The following SH2D2A variants were observed in gnomAD, a reference collection of about 807,000 sequenced individuals.
SH2D2A encodes the protein SH2 domain-containing protein 2A.
SH2D2A carries 33 observed loss-of-function variants against 43.6 expected under a neutral mutation model. The observed-to-expected ratio is 0.76, with a 90% CI of 0.57 to 1.01. The LOEUF is 1.01. SH2D2A is among the 50% of genes least tolerant of loss of function. SH2D2A has a pLI of 0.00. For missense variants in SH2D2A, 491 were observed against 503.1 expected, an observed-to-expected ratio of 0.98 and a Z score of 0.23; for synonymous variants, 212 against 206.1, an observed-to-expected ratio of 1.03 and a Z score of -0.25.
intron 5 of SH2D2A, among the ~76,000 whole-genome samples, chr1:156,811,815 A>T (rs1653441696): frequency 6.6e-6 from 1 of 152,020 alleles, no homozygotes; most frequent in Non-Finnish European, 1.5e-5. Context: ...TGCAAACTCT[A>T]AATGCTGGAG....
chr1:156,810,984 T>A (rs906443633), intron 5 of SH2D2A, among the ~76,000 whole-genome samples: 4 of 152,184 alleles, frequency 2.6e-5, no homozygotes, highest in African/African-American at 9.7e-5. Flanking sequence ...ACAGGGCTTT[T>A]CTTGTGCTCC....
rs368885518 is a variant in SH2D2A, at chr1:156,809,855, G to C, written c.568-48C>G. The stretch of plus-strand genomic sequence containing the variant: ...GAGGCACTCGGTGGAGCGTTGGGGT[G>C]GGGGAGGTGATCAGGAGGACAAAAT... On this transcript the variant is annotated intron_variant, in intron 5 of 8. Coordinates refer to ENST00000368199, the MANE Select transcript of SH2D2A (RefSeq NM_003975.4). The surrounding 1 kb of genome is among the most constrained non-coding windows in gnomAD (Gnocchi z 4.8). 75 of 1,602,006 alleles carry C rather than the reference G, an allele frequency of 4.7e-5. No individual in the cohort carries two copies. Among genetic ancestry groups the C allele is most frequent in the Non-Finnish European group, 6.1e-5 (72 of 1,174,126 alleles).
Position 156,809,082 on chromosome 1 carries a change from C to T in SH2D2A, c.1002+121G>A. ...CTGGATCATTCTGTTCTTCCCACAT[C>T]ACCTCACACCTCTGCCCCTTACCCT... On this transcript the variant is annotated intron_variant, in intron 7 of 8. Transcript: ENST00000368199. The surrounding 1 kb of genome is among the most constrained non-coding windows in gnomAD (Gnocchi z 4.8). 1 of 1,010,798 alleles carries T rather than the reference C, an allele frequency of 9.9e-7. No individual in the cohort carries two copies. Among genetic ancestry groups the T allele is most frequent in the East Asian group, 2.4e-5 (1 of 41,430 alleles). The allele number at this position is 1,010,798 out of a possible 1,614,324, so 62.6% of individuals were successfully genotyped here. A position where few individuals can be genotyped will look rare whatever the true frequency, so the allele number is the denominator to read the frequency against.
At position 156,816,681 on chromosome 1, in the gene SH2D2A, G is replaced by T; in HGVS notation, c.28C>A (p.Pro10Thr). The change falls in exon 1 of 9, where the codon CCC (proline) becomes ACC (threonine). Residue 10 changes from proline to threonine, a missense_variant. Pro to Thr is a conservative substitution (Grantham distance 38, BLOSUM62 -1). Transcript: ENST00000368199. ...CCTTCAACTTCACACTTACCTTGGG[G>T]ACATATCTGGGCCAGGGGGAACTCC... is the stretch of plus-strand genomic sequence containing the variant. Reference protein sequence around the residue: MEFPLAQICPQGSHEAPIPT... With the variant: MEFPLAQICTQGSHEAPIPT... 1 of 1,602,022 alleles carries T rather than the reference G, an allele frequency of 6.2e-7. No homozygotes were observed. The highest frequency in any genetic ancestry group is 1.1e-5 in the South Asian group (1 of 89,772).
At chr1:156,815,765 G>T in intron 2 of SH2D2A, 1 of 1,602,240 alleles carries the variant, frequency 6.2e-7, no homozygotes, top group Non-Finnish European at 8.6e-7. Context: ...CTGGTCATCT[G>T]CGGACTCAGC....
rs1396079010 is a variant in SH2D2A, at chr1:156,813,889, T to C, written c.526A>G (p.Ser176Gly). Residue 176 changes from serine to glycine, a missense_variant, in exon 5 of 9, where the codon AGC becomes GGC. Ser to Gly is a moderately conservative substitution (Grantham distance 56). Transcript: ENST00000368199. ...TCGGTGAGCGTCTCCCCGTAGGGGC[T>C]GAGCGGGTGCGCGGTGTAGTGCAGC... ...LLLHYTAHPL[S>G]PYGETLTEPL... 1.3e-6 allele frequency: 2 copies of C among 1,542,220 alleles called. No homozygotes were observed. The highest frequency in any genetic ancestry group is 2.7e-5 in the African/African-American group (2 of 73,698).
chr1:156,815,566 C>A, intron 2 of SH2D2A: 1 of 611,300 alleles, frequency 1.6e-6, no homozygotes, highest in Non-Finnish European at 2.9e-6. Flanking sequence ...AAACATGATG[C>A]AGGAAGTCAC....
At chr1:156,814,182 C>G (rs1195967000) in intron 4 of SH2D2A, 23 bp downstream of exon 4, 5 of 1,612,156 alleles carry the variant, frequency 3.1e-6, no homozygotes, top group Non-Finnish European at 4.2e-6. Flanking sequence ...TTGTGTCGCC[C>G]GGCGCGGGGC....
At chr1:156,813,763 GT>G (rs1392969852) in intron 5 of SH2D2A, 84 bp downstream of exon 5, 1 of 1,279,380 alleles carries the variant, frequency 7.8e-7, no homozygotes, top group East Asian at 3.0e-5. Flanking sequence ...AAAGTGCCTG[GT>G]GCCGCGTCCT....
intron 7 of SH2D2A, among the ~76,000 whole-genome samples, chr1:156,808,297 A>G (rs754320868): frequency 1.3e-5 from 2 of 152,172 alleles, no homozygotes; most frequent in Non-Finnish European, 2.9e-5. Context: ...AGAGTTAGCA[A>G]TCAGGACAGT....
chr1:156,807,283 G>T lies in SH2D2A; in HGVS notation c.1065C>A (p.Pro355=). Reference sequence around the variant, plus strand: ...GTCTCCAGGCGGGTGGGGGCTGGTGGGGCAGGGGAGGGCCTTGCCCAATCA... The same window carrying T: ...GTCTCCAGGCGGGTGGGGGCTGGTGTGGCAGGGGAGGGCCTTGCCCAATCA... ...NSVIGQGPPL[P]HQPPPAWRHT... Residue 355 remains proline (P), a synonymous_variant, in exon 8 of 9, where the codon CCC becomes CCA. Coordinates refer to ENST00000368199, the MANE Select transcript of SH2D2A (RefSeq NM_003975.4). The surrounding 1 kb of genome is among the most constrained non-coding windows in gnomAD (Gnocchi z 5.1). 1 of 1,592,656 alleles carries T rather than the reference G, an allele frequency of 6.3e-7. No individual in the cohort carries two copies. The highest frequency in any genetic ancestry group is 1.7e-5 in the Admixed American group (1 of 57,786).
chr1:156,809,729 A>G lies in SH2D2A; in HGVS notation c.646T>C (p.Tyr216His), dbSNP rs977378396. The G allele has an allele frequency of 2.6e-5, 42 of 1,613,738 alleles. No homozygotes were observed. The highest frequency in any genetic ancestry group is 3.3e-5 in the Non-Finnish European group (39 of 1,179,956). ...GSKSQDPNPQ[Y>H]SPIIKQGQAP... ...TGCCCCTGTTTGATGATTGGGCTGT[A>G]CTGGGGGTTTGGGTCCTGGCTTTTG... The change falls in exon 6 of 9, where the codon TAC (tyrosine) becomes CAC (histidine). Residue 216 changes from tyrosine (Y) to histidine (H), a missense_variant. Tyr to His is a moderately conservative substitution (Grantham distance 83, BLOSUM62 2). Coordinates refer to ENST00000368199, the MANE Select transcript of SH2D2A (RefSeq NM_003975.4). This position sits in a 1 kb window ranked among gnomAD's most constrained non-coding sequence, Gnocchi z 4.8.
At chr1:156,813,669 A>G (rs1004149718) in intron 5 of SH2D2A, among the ~76,000 whole-genome samples, 179 bp downstream of exon 5, 2 of 152,104 alleles carry the variant, frequency 1.3e-5, no homozygotes, top group African/African-American at 4.8e-5. Context: ...CAGCACTCAT[A>G]TTTCTCGAAG....
rs1339429258 is a variant in SH2D2A at position 156,807,006 on chromosome 1, T to C, written c.*3+169A>G. Among the ~76,000 whole-genome samples the C allele has an allele frequency of 6.6e-6, 1 of 152,234 alleles. No homozygotes were observed. The highest frequency in any genetic ancestry group is 1.5e-5 in the Non-Finnish European group (1 of 68,036). ...CACGACCAATGGATTGGAGTTGGCA[T>C]GCAAGATGACACCTCTTTGCCATCC... On this transcript the variant is annotated intron_variant, in intron 8 of 8. Transcript: ENST00000368199. This position sits in a 1 kb window ranked among gnomAD's most constrained non-coding sequence, Gnocchi z 5.1.
At chr1:156,815,705 C>T in intron 2 of SH2D2A, 7 of 1,072,958 alleles carry the variant, frequency 6.5e-6, no homozygotes, top group Non-Finnish European at 1.0e-5. Context: ...GGCAAATGGT[C>T]ACTGACACAG....
At position 156,809,097 on chromosome 1, in the gene SH2D2A, C is replaced by A. The variant is rs766416590; in HGVS notation, c.1002+106G>T. The A allele has an allele frequency of 5.3e-5, 63 of 1,184,938 alleles. No individual in the cohort carries two copies. The highest frequency in any genetic ancestry group is 6.7e-5 in the Non-Finnish European group (56 of 830,106). The allele number at this position is 1,184,938 out of a possible 1,614,324, so 73.4% of individuals were successfully genotyped here. On this transcript the variant is annotated intron_variant, in intron 7 of 8. Coordinates refer to ENST00000368199, the MANE Select transcript of SH2D2A (RefSeq NM_003975.4). The surrounding 1 kb of genome is among the most constrained non-coding windows in gnomAD (Gnocchi z 4.8). ...CTTCCCACATCACCTCACACCTCTG[C>A]CCCTTACCCTGCCCCAGGCATCCAC...
chr1:156,814,179 G>A, intron 4 of SH2D2A, 26 bp downstream of exon 4: 1 of 1,612,066 alleles, frequency 6.2e-7, no homozygotes, highest in Non-Finnish European at 8.5e-7. Flanking sequence ...GCCTTGTGTC[G>A]CCCGGCGCGG....
Position 156,807,105 on chromosome 1 carries a change from A to G in SH2D2A, c.*3+70T>C. ...TTTATTCCATCCACATTTCTTGAGAAGTGTGCCAGGTGTGTGTGAAGGTCT... is the reference window on the plus strand; with the variant it reads ...TTTATTCCATCCACATTTCTTGAGAGGTGTGCCAGGTGTGTGTGAAGGTCT... On this transcript the variant is annotated intron_variant, in intron 8 of 8. Coordinates refer to ENST00000368199, the MANE Select transcript of SH2D2A (RefSeq NM_003975.4). This position sits in a 1 kb window ranked among gnomAD's most constrained non-coding sequence, Gnocchi z 5.1. 7.5e-7 allele frequency: 1 copy of G among 1,340,186 alleles called. No individual in the cohort carries two copies. 83.0% of individuals were successfully genotyped at this position (1,340,186 alleles called of 1,614,324 possible). A position where few individuals can be genotyped will look rare whatever the true frequency, so the allele number is the denominator to read the frequency against.
At chr1:156,815,980 C>G in intron 2 of SH2D2A, 26 bp downstream of exon 2, 2 of 1,611,488 alleles carry the variant, frequency 1.2e-6, no homozygotes, top group Non-Finnish European at 1.7e-6. Context: ...AGCTGCACCA[C>G]GCTGCCGCCC....
Sources: allele counts gnomAD v4.1 joint callset (sites outside exome capture counted in the v4.1 genomes callset), GRCh38; gene constraint gnomAD v4.1.1; non-coding constraint Gnocchi (gnomAD v3.1); transcripts MANE v1.5; gene names NCBI Gene and HGNC (gene_info 2026-07-23, HGNC 2026-07-21).